PDE11A: variants seen among roughly 807,000 people sequenced by gnomAD.
PDE11A encodes phosphodiesterase 11A, also known as dual 3',5'-cyclic-AMP and -GMP phosphodiesterase 11A.
Under a neutral mutation model 100.5 loss-of-function variants are expected in PDE11A, and 100 were observed. The observed-to-expected ratio is 1.00, with a 90% CI of 0.85 to 1.18. The LOEUF (loss-of-function observed/expected upper bound fraction) is 1.18. PDE11A is among the 50% of genes most tolerant of loss of function. The probability of loss-of-function intolerance (pLI) is 0.00; values close to 1 mark genes in which losing one functional copy is unlikely to be tolerated. For synonymous variants in PDE11A, 381 were observed against 420.8 expected (o/e 0.91, Z 1.16); for missense variants, 1,141 against 1,152.6 (o/e 0.99, Z 0.15).
In PDE11A at chr2:177,785,049, G is replaced by C. The variant is rs566390579; in HGVS notation, c.1738-15676C>G. Reference sequence around the variant, plus strand: ...GTCAATGCTTAGTGTGCCAACAATGGGGGGCCAGTATAGTTTGGTCTTTGA... The same window carrying C: ...GTCAATGCTTAGTGTGCCAACAATGCGGGGCCAGTATAGTTTGGTCTTTGA... On this transcript the variant is annotated intron_variant, in intron 9 of 19. Coordinates refer to ENST00000286063, the MANE Select transcript of PDE11A (RefSeq NM_016953.4). 1.8e-3 allele frequency among the ~76,000 whole-genome samples: 271 copies of C among 152,230 alleles called. 1 individual carries two copies. The highest frequency in any genetic ancestry group is 2.2e-3 in the Non-Finnish European group (151 of 68,000).
chr2:177,713,722 TCAAA>T (rs57320282), intron 12 of PDE11A, among the ~76,000 whole-genome samples: 69 of 151,624 alleles, frequency 4.6e-4, no homozygotes, highest in Non-Finnish European at 3.2e-4. Flanking sequence ...AGACTCCATC[TCAAA>T]CAAACAAACA....
chr2:177,767,075 T>C (rs1206220112), intron 10 of PDE11A, among the ~76,000 whole-genome samples: 1 of 152,216 alleles, frequency 6.6e-6, no homozygotes, highest in Non-Finnish European at 1.5e-5. Context: ...CTCATGCCTG[T>C]AATCCCAGAA....
chr2:177,956,624 G>A (rs1447261158), intron 2 of PDE11A, among the ~76,000 whole-genome samples: 19 of 152,196 alleles, frequency 1.2e-4, no homozygotes, highest in African/African-American at 1.7e-4. Flanking sequence ...TGTTTATTGC[G>A]GCACTATTCA....
At chr2:177,776,581 C>T (rs2082381018) in intron 9 of PDE11A, among the ~76,000 whole-genome samples, 1 of 152,140 alleles carries the variant, frequency 6.6e-6, no homozygotes, top group Non-Finnish European at 1.5e-5. Context: ...ATTCCCAGGA[C>T]ATCAGAATAT....
chr2:177,937,785 A>T (rs1186530484), intron 2 of PDE11A, among the ~76,000 whole-genome samples: 1 of 152,226 alleles, frequency 6.6e-6, no homozygotes, highest in Non-Finnish European at 1.5e-5. Context: ...CCCAGACAGG[A>T]TGCAGATTCA....
chr2:178,089,913 T>C lies in PDE11A; in HGVS notation c.162+14389A>G, dbSNP rs950890279. ...GGCCCTTTCCCCTCGAAGCTCCACG[T>C]AGTCCTGGCCCAAGACTTAGAGAAG... On this transcript the variant is annotated intron_variant, in intron 2 of 20. Transcript: ENST00000358450. Among the ~76,000 whole-genome samples the C allele has an allele frequency of 4.6e-5, 7 of 152,326 alleles. No individual in the cohort carries two copies. In the East Asian group the frequency reaches 7.7e-4, roughly 17 times the overall value.
chr2:177,628,402 C>G lies in PDE11A; in HGVS notation c.*1005G>C, dbSNP rs546678088. On this transcript the variant is annotated 3_prime_UTR_variant, in exon 20 of 20. Coordinates refer to ENST00000286063, the MANE Select transcript of PDE11A (RefSeq NM_016953.4). The stretch of plus-strand genomic sequence containing the variant: ...TAAACCTGGCTTCCTATAGAATATG[C>G]GTTCTTTGCCCAGACTGTTATTTCT... The G allele has an allele frequency of 2.0e-5, 3 of 152,720 alleles. No individual in the cohort carries two copies. The highest frequency in any genetic ancestry group is 6.5e-5 in the Admixed American group (1 of 15,294). 9.5% of individuals were successfully genotyped at this position (152,720 alleles called of 1,614,324 possible).
intron 2 of PDE11A, among the ~76,000 whole-genome samples, chr2:177,920,665 T>C (rs1474027856): frequency 6.6e-6 from 1 of 152,196 alleles, no homozygotes; most frequent in Admixed American, 6.5e-5. Flanking sequence ...TACAATTCTA[T>C]TCTTAGAAAT....
intron 10 of PDE11A, among the ~76,000 whole-genome samples, chr2:177,766,316 G>A (rs1271231849): frequency 6.6e-6 from 1 of 152,172 alleles, no homozygotes; most frequent in African/African-American, 2.4e-5. Flanking sequence ...ACAGGAGGCG[G>A]AGCTCAGGTG....
intron 5 of PDE11A, among the ~76,000 whole-genome samples, chr2:177,872,208 C>G (rs1022758954): frequency 6.6e-6 from 1 of 152,204 alleles, no homozygotes; most frequent in African/African-American, 2.4e-5. Context: ...GAAGGAATAA[C>G]TGCCTCCAAA....
chr2:177,792,435 T>C (rs1036847766), intron 9 of PDE11A, among the ~76,000 whole-genome samples: 9 of 152,204 alleles, frequency 5.9e-5, no homozygotes, highest in African/African-American at 2.2e-4. Flanking sequence ...TATTTATATA[T>C]ACTGATTTTC....
At chr2:178,066,692 C>A (rs2087049411) in intron 1 of PDE11A, among the ~76,000 whole-genome samples, 1 of 152,188 alleles carries the variant, frequency 6.6e-6, no homozygotes, top group African/African-American at 2.4e-5. Context: ...CAGGTGCATG[C>A]CCCACACCAC....
At chr2:177,827,824 C>T (rs2083249446) in intron 6 of PDE11A, among the ~76,000 whole-genome samples, 2 of 152,130 alleles carry the variant, frequency 1.3e-5, no homozygotes, top group Admixed American at 1.3e-4. Flanking sequence ...TAAGAAGTCA[C>T]CTAATACAAG....
chr2:177,885,369 A>G (rs2084414194), intron 4 of PDE11A, among the ~76,000 whole-genome samples: 1 of 152,138 alleles, frequency 6.6e-6, no homozygotes, highest in Admixed American at 6.6e-5. Context: ...CTGACCTTTC[A>G]TATCTGTGGG....
chr2:177,857,438 A>G (rs1356736743), intron 5 of PDE11A, among the ~76,000 whole-genome samples: 7 of 152,172 alleles, frequency 4.6e-5, no homozygotes, highest in Non-Finnish European at 2.9e-5. Flanking sequence ...TTTTTCTACT[A>G]TCTCATTTAA....
chr2:178,018,724 T>C (rs1174190524), intron 1 of PDE11A, among the ~76,000 whole-genome samples: 3 of 152,144 alleles, frequency 2.0e-5, no homozygotes, highest in Non-Finnish European at 2.9e-5. Context: ...TCTTTTTTAT[T>C]TTTTGTAGAC....
At chr2:177,661,315 C>T (rs1360277296) in intron 19 of PDE11A, among the ~76,000 whole-genome samples, 3 of 152,214 alleles carry the variant, frequency 2.0e-5, no homozygotes, top group Admixed American at 6.5e-5. Context: ...TCTCAGACTC[C>T]TTATGATTGC....
chr2:177,906,968 A>G (rs766455677), intron 2 of PDE11A, among the ~76,000 whole-genome samples: 2 of 152,096 alleles, frequency 1.3e-5, no homozygotes, highest in African/African-American at 2.4e-5. Flanking sequence ...TTAACTTTCC[A>G]CTACTTATTT....
chr2:177,774,032 C>T (rs1254173331), intron 9 of PDE11A, among the ~76,000 whole-genome samples: 7 of 152,114 alleles, frequency 4.6e-5, no homozygotes, highest in African/African-American at 1.7e-4. Context: ...GATGGTGGTG[C>T]TTCAGTTTAC....
Sources: allele counts gnomAD v4.1 joint callset (sites outside exome capture counted in the v4.1 genomes callset), GRCh38; gene constraint gnomAD v4.1.1; transcripts MANE v1.5; gene names NCBI Gene and HGNC (gene_info 2026-07-23, HGNC 2026-07-21).